TAFA1: variants seen among roughly 807,000 people sequenced by gnomAD.
TAFA1 encodes the protein TAFA chemokine like family member 1.
TAFA1 carries 4 observed loss-of-function variants against 18.5 expected under a neutral mutation model. The ratio of observed to expected loss-of-function variants is 0.22; its 90% confidence interval spans 0.11 to 0.49. The LOEUF (loss-of-function observed/expected upper bound fraction) is 0.49, where lower values mean the gene tolerates loss of function less well. TAFA1 is among the 20% of genes least tolerant of loss of function. The pLI, the probability that TAFA1 is intolerant of heterozygous loss-of-function variation, is 0.98. For synonymous variants in TAFA1, 56 were observed against 55.2 expected (o/e 1.01, Z -0.06); for missense variants, 147 against 169.0 (o/e 0.87, Z 0.72).
intron 2 of TAFA1, among the ~76,000 whole-genome samples, chr3:68,355,247 T>C (rs1359399177): frequency 1.3e-5 from 2 of 151,906 alleles, no homozygotes; most frequent in African/African-American, 4.8e-5. Flanking sequence ...AGTCCTACTT[T>C]TGGGCTCTTT....
At chr3:68,479,028 C>T (rs7631049) in intron 3 of TAFA1, among the ~76,000 whole-genome samples, 3,280 of 150,066 alleles carry the variant, frequency 0.022, 62 homozygotes, top group Middle Eastern at 0.046. Context: ...GTCAAGAGAT[C>T]GAGACCATCC....
At chr3:68,493,334 GC>G (rs2072487569) in intron 3 of TAFA1, among the ~76,000 whole-genome samples, 1 of 152,122 alleles carries the variant, frequency 6.6e-6, no homozygotes, top group Non-Finnish European at 1.5e-5. Flanking sequence ...CCTTTTTAAA[GC>G]TAAATAATAT....
chr3:68,366,687 A>G (rs2069580040), intron 2 of TAFA1, among the ~76,000 whole-genome samples: 1 of 152,202 alleles, frequency 6.6e-6, no homozygotes, highest in African/African-American at 2.4e-5. Context: ...GGGACAGGTT[A>G]TTGAACTTTT....
intron 2 of TAFA1, among the ~76,000 whole-genome samples, chr3:68,280,949 A>G (rs981347202): frequency 1.3e-5 from 2 of 152,334 alleles, no homozygotes; most frequent in Non-Finnish European, 2.9e-5. Flanking sequence ...TAACACCAGT[A>G]TCTATTTTAA....
intron 2 of TAFA1, among the ~76,000 whole-genome samples, chr3:68,402,229 T>C (rs967528403): frequency 6.6e-6 from 1 of 152,100 alleles, no homozygotes; most frequent in Admixed American, 6.6e-5. Flanking sequence ...CCGGTGCTCA[T>C]TGATTCATGC....
intron 2 of TAFA1, among the ~76,000 whole-genome samples, chr3:68,130,342 C>A (rs1467789535): frequency 6.6e-6 from 1 of 152,194 alleles, no homozygotes; most frequent in African/African-American, 2.4e-5. Flanking sequence ...GGCAGTGGAG[C>A]CTTTGGGTAA....
intron 2 of TAFA1, among the ~76,000 whole-genome samples, chr3:68,247,122 C>T (rs567915016): frequency 2.6e-5 from 4 of 152,114 alleles, no homozygotes; most frequent in African/African-American, 7.2e-5. Flanking sequence ...CTCTATCCTC[C>T]CTCTCTTCCT....
At chr3:68,183,323 T>G (rs79347855) in intron 2 of TAFA1, among the ~76,000 whole-genome samples, 1,555 of 152,254 alleles carry the variant, frequency 0.01, 26 homozygotes, top group African/African-American at 0.036. Context: ...TGCCCCATGA[T>G]TGGACAGCAA....
intron 3 of TAFA1, among the ~76,000 whole-genome samples, chr3:68,535,634 A>G (rs2073267382): frequency 6.6e-6 from 1 of 152,198 alleles, no homozygotes; most frequent in Admixed American, 6.5e-5. Flanking sequence ...TCTTAAATTG[A>G]CAATATAATA....
rs145457981 is a variant in TAFA1 at position 68,342,416 on chromosome 3, A to G, written c.119-74864A>G. 3.6e-3 allele frequency among the ~76,000 whole-genome samples: 550 copies of G among 152,316 alleles called. 4 individuals are homozygous for G. The highest frequency in any genetic ancestry group is 0.012 in the African/African-American group (514 of 41,584). ...AAAGGCTGTGAACTTGTTTATTCCCATATCAGTGCAGCAAGATGGAGTCAG... is the reference window on the plus strand; with the variant it reads ...AAAGGCTGTGAACTTGTTTATTCCCGTATCAGTGCAGCAAGATGGAGTCAG... On this transcript the variant is annotated intron_variant, in intron 2 of 4. Coordinates refer to ENST00000478136, the MANE Select transcript of TAFA1 (RefSeq NM_213609.4).
intron 2 of TAFA1, among the ~76,000 whole-genome samples, chr3:68,236,865 C>T (rs1156804822): frequency 6.6e-6 from 1 of 152,212 alleles, no homozygotes; most frequent in Non-Finnish European, 1.5e-5. Context: ...TCATGGAATC[C>T]TTTGTGGAGA....
At chr3:68,207,340 T>C (rs1420250628) in intron 2 of TAFA1, among the ~76,000 whole-genome samples, 3 of 151,988 alleles carry the variant, frequency 2.0e-5, no homozygotes, top group African/African-American at 4.8e-5. Flanking sequence ...TCGTAGTTAA[T>C]TGGTGCTATT....
At chr3:68,413,928 T>A (rs1450016355) in intron 2 of TAFA1, among the ~76,000 whole-genome samples, 2 of 152,086 alleles carry the variant, frequency 1.3e-5, no homozygotes, top group African/African-American at 4.8e-5. Flanking sequence ...ACAGTGACCC[T>A]CATGGGGTAC....
At chr3:68,027,298 T>A (rs993117558) in intron 2 of TAFA1, among the ~76,000 whole-genome samples, 36 of 152,176 alleles carry the variant, frequency 2.4e-4, no homozygotes, top group Admixed American at 2.4e-3. Flanking sequence ...TCTCCCAATA[T>A]TTAGCAGAAT....
At chr3:68,493,183 A>G (rs954795177) in intron 3 of TAFA1, among the ~76,000 whole-genome samples, 1 of 151,976 alleles carries the variant, frequency 6.6e-6, no homozygotes, top group African/African-American at 2.4e-5. Flanking sequence ...CCACCATTCT[A>G]CTTCTGTCTC....
intron 3 of TAFA1, among the ~76,000 whole-genome samples, chr3:68,437,507 C>A (rs576835344): frequency 2.0e-4 from 31 of 152,204 alleles, no homozygotes; most frequent in African/African-American, 7.2e-4. Flanking sequence ...GGCCTTCTTC[C>A]TAGGAGTGAC....
chr3:68,527,797 C>T (rs1449530527), intron 3 of TAFA1, among the ~76,000 whole-genome samples: 2 of 152,048 alleles, frequency 1.3e-5, no homozygotes, highest in East Asian at 1.9e-4. Context: ...ACTTTTGTCT[C>T]AAATACCTTT....
At chr3:68,326,973 G>C (rs544487069) in intron 2 of TAFA1, among the ~76,000 whole-genome samples, 1 of 152,158 alleles carries the variant, frequency 6.6e-6, no homozygotes, top group Non-Finnish European at 1.5e-5. Context: ...TGTAGCTCCC[G>C]TAATTCCAAG....
At chr3:68,159,782 C>T (rs1230602684) in intron 2 of TAFA1, among the ~76,000 whole-genome samples, 2 of 152,164 alleles carry the variant, frequency 1.3e-5, no homozygotes, top group African/African-American at 4.8e-5. Context: ...ACGAAGACAC[C>T]AGCTCAGCTG....
Sources: allele counts gnomAD v4.1 joint callset (sites outside exome capture counted in the v4.1 genomes callset), GRCh38; gene constraint gnomAD v4.1.1; transcripts MANE v1.5; gene names NCBI Gene and HGNC (gene_info 2026-07-23, HGNC 2026-07-21).